FRMPD4: variants seen among roughly 807,000 people sequenced by gnomAD.
FRMPD4 encodes the protein FERM and PDZ domain-containing protein 4.
In FRMPD4, 22 loss-of-function variants were observed where a neutral mutation model predicts 94.1. The ratio of observed to expected loss-of-function variants is 0.23; its 90% CI spans 0.17 to 0.33. FRMPD4 has a LOEUF of 0.33. FRMPD4 is among the 10% of genes least tolerant of loss of function. The pLI is 1.00. For missense variants in FRMPD4, 1,111 were observed against 1,339.9 expected, an observed-to-expected ratio of 0.83 and a Z score of 2.67; for synonymous variants, 631 against 548.6, an observed-to-expected ratio of 1.15 and a Z score of -2.10.
chrX:12,172,639 A>G (rs1163467975), intron 1 of FRMPD4, among the ~76,000 whole-genome samples: 3 of 111,669 alleles, frequency 2.7e-5, no homozygotes, highest in African/African-American at 9.8e-5. Flanking sequence ...CCACACTTTG[A>G]AAACCAAAAA....
At chrX:12,680,854 C>T (rs2059964253) in intron 5 of FRMPD4, among the ~76,000 whole-genome samples, 1 of 110,172 alleles carries the variant, frequency 9.1e-6, no homozygotes, top group African/African-American at 3.3e-5. Flanking sequence ...TAAATAGCCC[C>T]ACGTTTACTG....
chrX:12,118,166 C>T (rs962334417), intron 3 of FRMPD4, among the ~76,000 whole-genome samples: 4 of 111,657 alleles, frequency 3.6e-5, no homozygotes, highest in African/African-American at 9.8e-5. Context: ...CCAAAGCCTA[C>T]TTGACTCCTT....
chrX:12,445,560 CAACAAATGT>C (rs2057185460), intron 1 of FRMPD4, among the ~76,000 whole-genome samples: 1 of 112,288 alleles, frequency 8.9e-6, no homozygotes, highest in African/African-American at 3.2e-5. Flanking sequence ...CTATTCCTGA[CAACAAATGT>C]AAAAGGTCGG....
At chrX:11,925,458 C>T (rs1430671095) in intron 3 of FRMPD4, among the ~76,000 whole-genome samples, 1 of 112,151 alleles carries the variant, frequency 8.9e-6, no homozygotes, top group Non-Finnish European at 1.9e-5. Flanking sequence ...ATATTTTTCT[C>T]ATGGCCACAT....
At chrX:11,915,834 C>G (rs1158165931) in intron 3 of FRMPD4, among the ~76,000 whole-genome samples, 1 of 111,894 alleles carries the variant, frequency 8.9e-6, no homozygotes, top group East Asian at 2.8e-4. Context: ...GAGCCCCATG[C>G]CTCAGTTTCC....
intron 1 of FRMPD4, among the ~76,000 whole-genome samples, chrX:12,339,681 A>G (rs748828983): frequency 9.1e-6 from 1 of 109,640 alleles, no homozygotes; most frequent in African/African-American, 3.3e-5. Flanking sequence ...CAGTGGTGCA[A>G]TTGCGGCTCA....
At chrX:12,463,919 A>G (rs908476828) in intron 1 of FRMPD4, among the ~76,000 whole-genome samples, 2 of 110,077 alleles carry the variant, frequency 1.8e-5, no homozygotes, top group Admixed American at 9.7e-5. Flanking sequence ...TGTGGGCCGA[A>G]CCTGGCCTGT....
At chrX:12,261,961 A>C (rs900420000) in intron 1 of FRMPD4, among the ~76,000 whole-genome samples, 1 of 112,249 alleles carries the variant, frequency 8.9e-6, no homozygotes, top group Non-Finnish European at 1.9e-5. Context: ...TTACTTAATA[A>C]AATGTGGCAG....
At chrX:12,241,464 C>G (rs1297215374) in intron 1 of FRMPD4, among the ~76,000 whole-genome samples, 2 of 112,533 alleles carry the variant, frequency 1.8e-5, no homozygotes, top group African/African-American at 6.5e-5. Context: ...GGTGAAAGCA[C>G]ACTTCCAACT....
intron 1 of FRMPD4, among the ~76,000 whole-genome samples, chrX:12,367,544 G>T (rs753351506): frequency 8.9e-6 from 1 of 112,191 alleles, no homozygotes; most frequent in Non-Finnish European, 1.9e-5. Context: ...ATTGGAGGGC[G>T]TGGGATTCGA....
intron 4 of FRMPD4, among the ~76,000 whole-genome samples, chrX:12,624,512 G>A (rs1175560072): frequency 9.0e-6 from 1 of 111,254 alleles, no homozygotes; most frequent in Non-Finnish European, 1.9e-5. Context: ...AAAACTATTA[G>A]TAGATACACA....
intron 2 of FRMPD4, among the ~76,000 whole-genome samples, chrX:11,873,206 A>AT (rs1382781869): frequency 9.0e-6 from 1 of 111,334 alleles, no homozygotes; most frequent in Non-Finnish European, 1.9e-5. Flanking sequence ...CACTCTAATA[A>AT]TTTCTATTCA....
intron 1 of FRMPD4, among the ~76,000 whole-genome samples, chrX:12,328,726 G>A (rs758839097): frequency 4.5e-5 from 5 of 111,672 alleles, no homozygotes; most frequent in East Asian, 2.8e-4. Context: ...ATTCAGAATC[G>A]GAAACAATAG....
At chrX:12,470,963 T>G (rs7876804) in intron 1 of FRMPD4, among the ~76,000 whole-genome samples, 1,961 of 112,136 alleles carry the variant, frequency 0.017, 42 homozygotes, top group African/African-American at 0.06. Flanking sequence ...GCAACAAATA[T>G]TTATTTATTA....
At chrX:12,182,994 C>CT (rs1187262775) in intron 1 of FRMPD4, among the ~76,000 whole-genome samples, 22 of 111,496 alleles carry the variant, frequency 2.0e-4, no homozygotes, top group African/African-American at 6.2e-4. Context: ...CACAAGGTCT[C>CT]TGGAGCCAGA....
chrX:12,089,259 A>T (rs2055135196), intron 3 of FRMPD4, among the ~76,000 whole-genome samples: 1 of 112,357 alleles, frequency 8.9e-6, no homozygotes, highest in Non-Finnish European at 1.9e-5. Flanking sequence ...GTTGCCAGGA[A>T]GGTTCTAGTG....
At chrX:12,400,485 G>A (rs771761838) in intron 1 of FRMPD4, among the ~76,000 whole-genome samples, 1 of 111,831 alleles carries the variant, frequency 8.9e-6, no homozygotes, top group Non-Finnish European at 1.9e-5. Flanking sequence ...GTGATTCAAG[G>A]TCACTTGGTT....
chrX:12,671,781 C>T (rs750881788), intron 4 of FRMPD4, among the ~76,000 whole-genome samples: 1 of 110,860 alleles, frequency 9.0e-6, no homozygotes, highest in Non-Finnish European at 1.9e-5. Flanking sequence ...AAGTAGAGCA[C>T]GCAGGTCTTG....
intron 3 of FRMPD4, among the ~76,000 whole-genome samples, chrX:12,095,915 C>G (rs2055196672): frequency 8.9e-6 from 1 of 112,306 alleles, no homozygotes; most frequent in Non-Finnish European, 1.9e-5. Context: ...ATCCTGCTTC[C>G]TGTGAAAGCA....
Sources: gnomAD v4.1 joint callset for allele counts (sites outside exome capture counted in the v4.1 genomes callset) on GRCh38, gnomAD v4.1.1 for gene constraint, MANE v1.5 for transcripts, NCBI Gene and HGNC (gene_info 2026-07-23, HGNC 2026-07-21) for gene names.